Variants in TRAPPC9 observed in about 807,000 individuals in gnomAD.
TRAPPC9 encodes trafficking protein particle complex subunit 9.
A neutral mutation model predicts 124.0 loss-of-function variants in TRAPPC9; 83 were observed. The observed-to-expected ratio is 0.67, with a 90% CI of 0.56 to 0.80. TRAPPC9 has a LOEUF of 0.80. TRAPPC9 is among the 30% of genes least tolerant of loss of function. The pLI, the probability that TRAPPC9 is intolerant of heterozygous loss-of-function variation, is 0.00. For synonymous variants in TRAPPC9, 638 were observed against 617.5 expected, an observed-to-expected ratio of 1.03 and a Z score of -0.49; for missense variants, 1,302 against 1,508.3, an observed-to-expected ratio of 0.86 and a Z score of 2.27.
chr8:139,779,475 T>A (rs180708843), intron 21 of TRAPPC9, among the ~76,000 whole-genome samples: 6 of 152,294 alleles, frequency 3.9e-5, no homozygotes, highest in Admixed American at 3.3e-4. Flanking sequence ...ATTTTCTTCT[T>A]GAAATCTCTT....
At chr8:139,917,983 G>A (rs891427113) in intron 19 of TRAPPC9, among the ~76,000 whole-genome samples, 1 of 152,206 alleles carries the variant, frequency 6.6e-6, no homozygotes, top group Non-Finnish European at 1.5e-5. Flanking sequence ...AACAAGCTGT[G>A]GCCTGGGGCC....
chr8:140,118,576 G>C (rs1455376276), intron 17 of TRAPPC9, among the ~76,000 whole-genome samples: 1 of 152,230 alleles, frequency 6.6e-6, no homozygotes, highest in East Asian at 1.9e-4. Context: ...CTGGCCCCAG[G>C]TGGCAGGAGC....
intron 17 of TRAPPC9, among the ~76,000 whole-genome samples, chr8:140,072,606 AGG>A (rs1843248764): frequency 7.5e-6 from 1 of 133,954 alleles, no homozygotes; most frequent in African/African-American, 2.8e-5. Flanking sequence ...GAGGAGGAGG[AGG>A]AGGAGGAGGA....
intron 19 of TRAPPC9, chr8:139,931,173 T>C (rs1223218589): frequency 1.3e-5 from 2 of 152,120 alleles, no homozygotes; most frequent in South Asian, 2.1e-4. Flanking sequence ...CTCATGAGGC[T>C]CAGTTTTCTA....
intron 7 of TRAPPC9, among the ~76,000 whole-genome samples, chr8:140,375,092 T>C (rs985231705): frequency 2.6e-5 from 4 of 152,130 alleles, no homozygotes; most frequent in African/African-American, 7.2e-5. Flanking sequence ...CAAAGCCATG[T>C]TTGGTCGACA....
chr8:140,177,365 A>C lies in TRAPPC9; in HGVS notation c.2556+44094T>G, dbSNP rs532610701. On this transcript the variant is annotated intron_variant, in intron 17 of 22. Coordinates refer to ENST00000438773, the MANE Select transcript of TRAPPC9 (RefSeq NM_001160372.4). Reference sequence around the variant, plus strand: ...GTTAATTTTTGGCATATAAATAATTAGTTGTTCCAGCATCACCTGTTGAAA... The same window carrying C: ...GTTAATTTTTGGCATATAAATAATTCGTTGTTCCAGCATCACCTGTTGAAA... Among the ~76,000 whole-genome samples the C allele has an allele frequency of 2.0e-5, 3 of 152,296 alleles. No homozygotes were observed. In the South Asian group the frequency reaches 6.2e-4, roughly 32 times the overall value.
At position 139,984,679 on chromosome 8, in the gene TRAPPC9, G is replaced by A. The variant is rs1216837132; in HGVS notation, c.2810+4047C>T. 6.6e-6 allele frequency among the ~76,000 whole-genome samples: 1 copy of A among 152,182 alleles called. No homozygotes were observed. Among genetic ancestry groups the A allele is most frequent in the African/African-American group, 2.4e-5 (1 of 41,444 alleles). The stretch of plus-strand genomic sequence containing the variant: ...CTGCTCTGCACAACCCCTCCACGGA[G>A]GCCGAGTGTGCATCTGACCCACAGG... On this transcript the variant is annotated intron_variant, in intron 19 of 22. Coordinates refer to ENST00000438773, the MANE Select transcript of TRAPPC9 (RefSeq NM_001160372.4). The surrounding 1 kb of genome is among the most constrained non-coding windows in gnomAD (Gnocchi z 4.3).
At chr8:139,918,949 T>C (rs115353112) in intron 19 of TRAPPC9, among the ~76,000 whole-genome samples, 2,881 of 152,230 alleles carry the variant, frequency 0.019, 92 homozygotes, top group African/African-American at 0.065. Context: ...CTTGGCCCGC[T>C]GGGTCCAAAC....
intron 16 of TRAPPC9, among the ~76,000 whole-genome samples, chr8:140,236,108 A>G (rs2063725205): frequency 7.1e-6 from 1 of 140,158 alleles, no homozygotes; most frequent in African/African-American, 2.7e-5. Flanking sequence ...TTTGAGACAG[A>G]GTCTCACTTT....
intron 2 of TRAPPC9, among the ~76,000 whole-genome samples, chr8:140,446,381 T>G (rs2071260213): frequency 6.6e-6 from 1 of 151,624 alleles, no homozygotes; most frequent in African/African-American, 2.4e-5. Flanking sequence ...TAGCTAAGGT[T>G]GAACTGCCTC....
intron 9 of TRAPPC9, among the ~76,000 whole-genome samples, chr8:140,349,119 G>A (rs1184810048): frequency 1.5e-5 from 2 of 135,530 alleles, no homozygotes; most frequent in Non-Finnish European, 3.2e-5. Flanking sequence ...GGCTGAAGAC[G>A]GCGCACGAGG....
intron 21 of TRAPPC9, among the ~76,000 whole-genome samples, chr8:139,819,163 A>G (rs1411045235): frequency 2.0e-5 from 3 of 152,144 alleles, no homozygotes; most frequent in Non-Finnish European, 4.4e-5. Context: ...CCCTATTATG[A>G]ACTGCACATG....
intron 9 of TRAPPC9, among the ~76,000 whole-genome samples, chr8:140,332,758 A>G (rs972833240): frequency 6.6e-6 from 1 of 152,256 alleles, no homozygotes; most frequent in African/African-American, 2.4e-5. Flanking sequence ...AATGACATTT[A>G]TAAAGACTGC....
In TRAPPC9 at chr8:139,949,019, G is replaced by C. The variant is rs1834460818; in HGVS notation, c.2811-38719C>G. ...ACCCAGGAGGCAGAGGTTGCCGTGAGCCAAGATTGCACCACTGTACTCCGG... is the reference window on the plus strand; with the variant it reads ...ACCCAGGAGGCAGAGGTTGCCGTGACCCAAGATTGCACCACTGTACTCCGG... On this transcript the variant is annotated intron_variant, in intron 19 of 22. Coordinates refer to ENST00000438773, the MANE Select transcript of TRAPPC9 (RefSeq NM_001160372.4). 2.0e-5 allele frequency among the ~76,000 whole-genome samples: 3 copies of C among 152,058 alleles called. No homozygotes were observed. In the South Asian group the frequency reaches 6.2e-4, roughly 32 times the overall value.
Position 140,294,211 on chromosome 8 carries a change from T to C in TRAPPC9, c.1769-3133A>G, listed in dbSNP as rs141844282. Among the ~76,000 whole-genome samples, 163 of 152,232 alleles carry C rather than the reference T, an allele frequency of 1.1e-3. 1 individual carries two copies. The highest frequency in any genetic ancestry group is 3.8e-3 in the African/African-American group (158 of 41,538). On this transcript the variant is annotated intron_variant, in intron 11 of 22. Transcript: ENST00000438773. ...TGTCCTTCCCTCATCCCAGCTTCCA[T>C]GCCCCCCACCTCCCAGGCCCACCAG...
At chr8:140,060,899 T>A (rs1335290038) in intron 17 of TRAPPC9, among the ~76,000 whole-genome samples, 1 of 152,250 alleles carries the variant, frequency 6.6e-6, no homozygotes, top group Admixed American at 6.5e-5. Context: ...ATGGGCTGAA[T>A]TCTTAGGCTC....
In TRAPPC9 at chr8:140,360,188, G is replaced by A. The variant is rs534194766; in HGVS notation, c.1357C>T (p.His453Tyr). 1.6e-5 allele frequency: 26 copies of A among 1,614,194 alleles called. No homozygotes were observed. In the South Asian group the frequency reaches 2.9e-4, roughly 18 times the overall value. ...LDPKDFSRGT[H>Y]RGWAAVQMRL... Reference sequence around the variant, plus strand: ...ATCTGGACCGCAGCCCAGCCTCTGTGCGTGCCTGCGATGGAAGTTACAAAA... The same window carrying A: ...ATCTGGACCGCAGCCCAGCCTCTGTACGTGCCTGCGATGGAAGTTACAAAA... The change falls in exon 9 of 23, where the codon CAC (histidine) becomes TAC (tyrosine). Residue 453 changes from histidine (H) to tyrosine (Y), a missense_variant. Transcript: ENST00000438773.
intron 1 of TRAPPC9, chr8:140,456,861 G>A: frequency 1.0e-6 from 1 of 985,152 alleles, no homozygotes; most frequent in Non-Finnish European, 1.2e-6. Context: ...TTTGAAGACA[G>A]ACAACGCATC....
At chr8:139,839,244 A>G (rs187955293) in intron 21 of TRAPPC9, among the ~76,000 whole-genome samples, 5 of 152,374 alleles carry the variant, frequency 3.3e-5, no homozygotes, top group Admixed American at 3.3e-4. Context: ...CACTATGCTC[A>G]GCACCAGGGA....
Sources: allele counts gnomAD v4.1 joint callset (sites outside exome capture counted in the v4.1 genomes callset), GRCh38; gene constraint gnomAD v4.1.1; non-coding constraint Gnocchi (gnomAD v3.1); transcripts MANE v1.5; gene names NCBI Gene and HGNC (gene_info 2026-07-23, HGNC 2026-07-21).